Variants in PCDHA2 observed in about 807,000 individuals in gnomAD.
PCDHA2 encodes protocadherin alpha 2, also known as protocadherin alpha-2.
PCDHA2 carries 58 observed loss-of-function variants against 66.0 expected under a neutral mutation model. That is an observed-to-expected ratio of 0.88 (90% CI 0.71 to 1.09). PCDHA2 has a LOEUF of 1.09. Ranked by LOEUF, PCDHA2 falls within the 50% of genes least tolerant of loss-of-function variation. The pLI is 0.00. For missense variants in PCDHA2, 1,267 were observed against 1,242.3 expected, an observed-to-expected ratio of 1.02 and a Z score of -0.30; for synonymous variants, 634 against 554.0, an observed-to-expected ratio of 1.14 and a Z score of -2.03.
chr5:140,988,387 T>G (rs1337322360), intron 3 of PCDHA2, among the ~76,000 whole-genome samples: 1 of 152,202 alleles, frequency 6.6e-6, no homozygotes, highest in Non-Finnish European at 1.5e-5. Flanking sequence ...CTCATTGTGT[T>G]TGCCAGAGTT....
intron 1 of PCDHA2, among the ~76,000 whole-genome samples, chr5:140,912,341 G>GT (rs1430124831): frequency 9.5e-5 from 12 of 126,362 alleles, no homozygotes; most frequent in African/African-American, 4.2e-4. Flanking sequence ...AGTACACTAA[G>GT]TATTTTTTTT....
chr5:140,882,562 G>A, intron 1 of PCDHA2: 1 of 1,614,252 alleles, frequency 6.2e-7, no homozygotes, highest in Non-Finnish European at 8.5e-7. Flanking sequence ...TGTGTGGGCG[G>A]AGCGCGGAGT....
At chr5:140,978,462 G>T (rs939639463) in intron 1 of PCDHA2, among the ~76,000 whole-genome samples, 3 of 152,222 alleles carry the variant, frequency 2.0e-5, no homozygotes, top group Admixed American at 1.3e-4. Flanking sequence ...TCCGCCCTGG[G>T]TCAAATATGC....
At chr5:140,929,391 A>G in intron 1 of PCDHA2, 1 of 1,511,404 alleles carries the variant, frequency 6.6e-7, no homozygotes, top group South Asian at 1.4e-5. Flanking sequence ...GTTTTGAAAT[A>G]TTTCTTAGAC....
At chr5:140,830,248 A>C (rs1554132663) in intron 1 of PCDHA2, 3 of 1,613,824 alleles carry the variant, frequency 1.9e-6, no homozygotes, top group Non-Finnish European at 2.5e-6. Context: ...TGCTGTACAC[A>C]GCGCTGCGGT....
rs573633705 is a variant in PCDHA2, at chr5:140,978,668, C to T, written c.2389-281C>T. ...TGTTCTTCCCGTAGTGTTTTAAGAACACAGACATGTATTGGGCAAGGCAAA... is the reference window on the plus strand; with the variant it reads ...TGTTCTTCCCGTAGTGTTTTAAGAATACAGACATGTATTGGGCAAGGCAAA... On this transcript the variant is annotated intron_variant, in intron 1 of 3. Coordinates refer to ENST00000526136, the MANE Select transcript of PCDHA2 (RefSeq NM_018905.3). 4.6e-5 allele frequency among the ~76,000 whole-genome samples: 7 copies of T among 152,362 alleles called. No homozygotes were observed. The East Asian group carries it at 1.3e-3, about 29-fold the overall frequency.
rs2150151529 is a variant in PCDHA2 at position 140,828,158 on chromosome 5, G to A, written c.2388+30806G>A. ...GCTCCTCCCGCTTCTGCTCCTCGCAGCCTGGAAGGTGGGGAGCGGCCAGCT... is the reference window on the plus strand; with the variant it reads ...GCTCCTCCCGCTTCTGCTCCTCGCAACCTGGAAGGTGGGGAGCGGCCAGCT... On this transcript the variant is annotated intron_variant, in intron 1 of 3. Transcript: ENST00000526136. 4 of 1,614,202 alleles carry A rather than the reference G, an allele frequency of 2.5e-6. No individual in the cohort carries two copies. In the East Asian group the frequency reaches 8.9e-5, roughly 36 times the overall value.
chr5:140,883,083 G>A (rs267600402), intron 1 of PCDHA2: 8 of 1,614,082 alleles, frequency 5.0e-6, no homozygotes, highest in Non-Finnish European at 6.8e-6. Flanking sequence ...CCTGATGATG[G>A]TACAAATGGA....
chr5:140,803,295 T>G, intron 1 of PCDHA2: 1 of 1,614,088 alleles, frequency 6.2e-7, no homozygotes. Flanking sequence ...CAACGTGTAC[T>G]TGATCGTCGC....
chr5:140,869,371 A>G (rs559164668), intron 1 of PCDHA2: 1 of 1,614,110 alleles, frequency 6.2e-7, no homozygotes, highest in East Asian at 2.2e-5. Flanking sequence ...GAATTCTCGG[A>G]TCGACCGCGA....
chr5:140,963,666 ATAGT>A (rs1254219157), intron 1 of PCDHA2, among the ~76,000 whole-genome samples: 1 of 152,216 alleles, frequency 6.6e-6, no homozygotes, highest in African/African-American at 2.4e-5. Flanking sequence ...CCTATATGGC[ATAGT>A]TAAATGTGTT....
At chr5:140,915,531 T>C (rs1258680816) in intron 1 of PCDHA2, among the ~76,000 whole-genome samples, 1 of 152,150 alleles carries the variant, frequency 6.6e-6, no homozygotes, top group Non-Finnish European at 1.5e-5. Context: ...AGGTACCATC[T>C]TGGAGGTCTT....
intron 1 of PCDHA2, chr5:140,805,056 C>T (rs1763501831): frequency 6.3e-7 from 1 of 1,591,674 alleles, no homozygotes; most frequent in Admixed American, 1.7e-5. Flanking sequence ...ACTTGTCTTC[C>T]CAGATATGGA....
At chr5:140,835,561 T>C (rs1304711365) in intron 1 of PCDHA2, 2 of 1,613,924 alleles carry the variant, frequency 1.2e-6, no homozygotes, top group Non-Finnish European at 1.7e-6. Flanking sequence ...ACGCCCCGCG[T>C]TCCCTTCAAG....
rs2150379326 is a variant in PCDHA2, at chr5:140,845,496, G to C, written c.2388+48144G>C. ...GGGGTTGTGCTTTCACAGTGAGAAA[G>C]TCTAAACCTATTTCTTGTACATTAA... On this transcript the variant is annotated intron_variant, in intron 1 of 3. Transcript: ENST00000526136. Among the ~76,000 whole-genome samples, 24 of 149,650 alleles carry C rather than the reference G, an allele frequency of 1.6e-4. 3 individuals are homozygous for C. Among genetic ancestry groups the C allele is most frequent in the Non-Finnish European group, 3.4e-4 (23 of 66,862 alleles).
rs201231291 is a variant in PCDHA2, at chr5:140,849,957, G to T, written c.2388+52605G>T. ...GCGGGACGCTGACGCGCAGGAGAAC[G>T]CCCTGGTGTCCTACTCGCTGGTGGA... On this transcript the variant is annotated intron_variant, in intron 1 of 3. Coordinates refer to ENST00000526136, the MANE Select transcript of PCDHA2 (RefSeq NM_018905.3). 28 of 1,597,916 alleles carry T rather than the reference G, an allele frequency of 1.8e-5. 1 individual carries two copies. The East Asian group carries it at 6.0e-4, about 34-fold the overall frequency.
At chr5:140,800,133 A>G (rs1762511753) in intron 1 of PCDHA2, among the ~76,000 whole-genome samples, 1 of 152,156 alleles carries the variant, frequency 6.6e-6, no homozygotes, top group Admixed American at 6.5e-5. Context: ...TATATTGTTA[A>G]CATTTTAGTA....
At position 140,990,592 on chromosome 5, in the gene PCDHA2, C is replaced by T. The variant is rs150978794; in HGVS notation, c.2536+8029C>T. On this transcript the variant is annotated intron_variant, in intron 3 of 3. Coordinates refer to ENST00000526136, the MANE Select transcript of PCDHA2 (RefSeq NM_018905.3). ...GTTCGATCTCTTTTCCTATAATCAC[C>T]TGGAGTCAGATGAATACCGTAAAGG... 2.7e-3 allele frequency among the ~76,000 whole-genome samples: 412 copies of T among 152,286 alleles called. 2 individuals are homozygous for T. Among genetic ancestry groups the T allele is most frequent in the African/African-American group, 9.5e-3 (395 of 41,556 alleles).
At chr5:140,898,015 T>C (rs376663063) in intron 1 of PCDHA2, among the ~76,000 whole-genome samples, 3 of 152,154 alleles carry the variant, frequency 2.0e-5, no homozygotes, top group Non-Finnish European at 4.4e-5. Context: ...TCATATCCTT[T>C]GCCCACTTTT....
Sources: allele counts gnomAD v4.1 joint callset (sites outside exome capture counted in the v4.1 genomes callset), GRCh38; gene constraint gnomAD v4.1.1; transcripts MANE v1.5; gene names NCBI Gene and HGNC (gene_info 2026-07-23, HGNC 2026-07-21).